The following UGT2B7 variants were observed in gnomAD, a reference collection of about 807,000 sequenced individuals.
UGT2B7 encodes the protein UDP-glucuronosyltransferase 2B7.
A neutral mutation model predicts 51.9 loss-of-function variants in UGT2B7; 51 were observed. The ratio of observed to expected loss-of-function variants is 0.98; its 90% CI spans 0.78 to 1.24. The LOEUF (loss-of-function observed/expected upper bound fraction) is 1.24. Ranked by LOEUF, UGT2B7 falls within the 50% of genes most tolerant of loss-of-function variation. The pLI is 0.00. For synonymous variants in UGT2B7, 225 were observed against 211.6 expected, an observed-to-expected ratio of 1.06 and a Z score of -0.55; for missense variants, 727 against 628.4, an observed-to-expected ratio of 1.16 and a Z score of -1.68.
intron 1 of UGT2B7, among the ~76,000 whole-genome samples, chr4:69,054,324 C>T (rs1204461131): frequency 2.7e-5 from 4 of 148,690 alleles, no homozygotes; most frequent in Admixed American, 1.3e-4. Context: ...AAAGGCTGGC[C>T]CCCATGTCCA....
intron 2 of UGT2B7, among the ~76,000 whole-genome samples, chr4:69,099,856 A>G (rs1277600352): frequency 6.6e-6 from 1 of 152,078 alleles, no homozygotes; most frequent in Non-Finnish European, 1.5e-5. Flanking sequence ...ATTCTCTTGC[A>G]GAGTCATAGT....
intron 1 of UGT2B7, among the ~76,000 whole-genome samples, chr4:69,060,712 C>G (rs1463671855): frequency 6.6e-6 from 1 of 152,192 alleles, no homozygotes; most frequent in African/African-American, 2.4e-5. Flanking sequence ...TCGGCTGGCA[C>G]AGGAAGCTAA....
At chr4:69,100,454 G>A (rs562327371) in intron 2 of UGT2B7, among the ~76,000 whole-genome samples, 26 of 152,062 alleles carry the variant, frequency 1.7e-4, no homozygotes, top group Middle Eastern at 3.4e-3. Flanking sequence ...GATCATTTTT[G>A]TCTACATAAA....
At chr4:69,053,399 G>C (rs1347275635) in intron 1 of UGT2B7, among the ~76,000 whole-genome samples, 2 of 152,218 alleles carry the variant, frequency 1.3e-5, no homozygotes, top group Non-Finnish European at 2.9e-5. Flanking sequence ...AGCATACCAA[G>C]ATGCAAATGC....
chr4:69,107,056 T>C (rs2109892728), intron 3 of UGT2B7, 119 bp from the exon 4 acceptor site: 1 of 1,127,726 alleles, frequency 8.9e-7, no homozygotes, highest in East Asian at 2.6e-5. Flanking sequence ...TACATTAGTC[T>C]TTGAGTAGTT....
At chr4:69,089,864 C>A (rs1719046527) in intron 2 of UGT2B7, among the ~76,000 whole-genome samples, 1 of 152,154 alleles carries the variant, frequency 6.6e-6, no homozygotes, top group Non-Finnish European at 1.5e-5. Context: ...TCCTATCTCA[C>A]ATTTTGAGAT....
intron 1 of UGT2B7, among the ~76,000 whole-genome samples, chr4:69,069,259 C>A (rs140778336): frequency 6.6e-6 from 1 of 152,022 alleles, no homozygotes; most frequent in Admixed American, 6.6e-5. Flanking sequence ...TGTACCTGAC[C>A]TTGTCAGATT....
At chr4:69,105,048 G>A (rs1244111737) in intron 3 of UGT2B7, among the ~76,000 whole-genome samples, 5 of 152,078 alleles carry the variant, frequency 3.3e-5, no homozygotes, top group African/African-American at 4.8e-5. Context: ...GCTGGACTGC[G>A]CCCAGCCAAT....
At chr4:69,069,520 A>T (rs1313249895) in intron 1 of UGT2B7, 3 of 152,204 alleles carry the variant, frequency 2.0e-5, no homozygotes, top group Admixed American at 2.0e-4. Context: ...TATGAAATAA[A>T]ATATTTTATT....
intron 1 of UGT2B7, among the ~76,000 whole-genome samples, chr4:69,079,912 G>A (rs1241778361): frequency 6.6e-6 from 1 of 151,614 alleles, no homozygotes; most frequent in East Asian, 1.9e-4. Context: ...GCATTCCTGA[G>A]TTTTGTATAT....
At chr4:69,101,396 TTTA>T (rs1395132384) in intron 2 of UGT2B7, among the ~76,000 whole-genome samples, 1 of 152,086 alleles carries the variant, frequency 6.6e-6, no homozygotes, top group Non-Finnish European at 1.5e-5. Context: ...TTATATTATT[TTTA>T]TTATGTTATC....
chr4:69,103,471 C>T (rs1341485207), intron 3 of UGT2B7, among the ~76,000 whole-genome samples: 1 of 152,112 alleles, frequency 6.6e-6, no homozygotes, highest in Non-Finnish European at 1.5e-5. Context: ...ACTTGAGACC[C>T]ACAGTTATTT....
At chr4:69,075,138 G>T (rs1718676218) in intron 1 of UGT2B7, among the ~76,000 whole-genome samples, 1 of 152,040 alleles carries the variant, frequency 6.6e-6, no homozygotes, top group Non-Finnish European at 1.5e-5. Context: ...TTTCATAGTT[G>T]CTTAGAGGCT....
chr4:69,110,608 C>T (rs555373790), intron 5 of UGT2B7, among the ~76,000 whole-genome samples: 2 of 152,166 alleles, frequency 1.3e-5, no homozygotes, highest in South Asian at 2.1e-4. Flanking sequence ...TACCCAACAA[C>T]TGCTACATTA....
At chr4:69,057,288 C>T (rs1718226548) in intron 1 of UGT2B7, among the ~76,000 whole-genome samples, 1 of 152,126 alleles carries the variant, frequency 6.6e-6, no homozygotes. Flanking sequence ...AAAGCCCTTC[C>T]TTCTACAACT....
At chr4:69,062,122 A>C (rs536319534) in intron 1 of UGT2B7, among the ~76,000 whole-genome samples, 2 of 152,260 alleles carry the variant, frequency 1.3e-5, no homozygotes, top group East Asian at 3.9e-4. Flanking sequence ...GTAAAGATGG[A>C]GCACATGAAC....
chr4:69,053,547 T>C (rs1159051094), intron 1 of UGT2B7, among the ~76,000 whole-genome samples: 1 of 152,204 alleles, frequency 6.6e-6, no homozygotes, highest in Non-Finnish European at 1.5e-5. Flanking sequence ...GTAGGCTGCA[T>C]GGTAACTCTT....
rs549168924 is a variant in UGT2B7 at position 69,078,766 on chromosome 4, T to C, written c.-158-10706T>C. Among the ~76,000 whole-genome samples, 5 of 152,232 alleles carry C rather than the reference T, an allele frequency of 3.3e-5. No homozygotes were observed. The South Asian group carries it at 1.0e-3, about 32-fold the overall frequency. ...TGAGAACGCTAGGTGGGTTGGAAGC[T>C]CTTGCAGATGTGATCCATCTGGCTA... On this transcript the variant is annotated intron_variant, in intron 1 of 5. Coordinates refer to the UGT2B7 transcript ENST00000502942.
chr4:69,110,983 C>G (rs1719755300), intron 5 of UGT2B7, among the ~76,000 whole-genome samples: 1 of 151,878 alleles, frequency 6.6e-6, no homozygotes. Context: ...AGAGAAAATC[C>G]TAGTGGTTCC....
Sources: allele counts gnomAD v4.1 joint callset (sites outside exome capture counted in the v4.1 genomes callset), GRCh38; gene constraint gnomAD v4.1.1; transcripts MANE v1.5; gene names NCBI Gene and HGNC (gene_info 2026-07-23, HGNC 2026-07-21).